The following MAPK11 variants were observed in gnomAD, a reference collection of about 807,000 sequenced individuals.
The protein encoded by MAPK11 is MAP kinase 11.
Under a neutral mutation model 52.2 loss-of-function variants are expected in MAPK11, and 44 were observed. The observed-to-expected ratio is 0.84, with a 90% CI of 0.66 to 1.08. The LOEUF is 1.08. Ranked by LOEUF, MAPK11 falls within the 50% of genes least tolerant of loss-of-function variation. The pLI is 0.00. For synonymous variants in MAPK11, 233 were observed against 206.3 expected (o/e 1.13, Z -1.11); for missense variants, 436 against 494.7 (o/e 0.88, Z 1.13).
chr22:50,270,225 CGCTGCGGCA>C lies in MAPK11; in HGVS notation c.59_67del (p.Val20_Arg23delinsGly), dbSNP rs1438177512. ...GCCCACCGGGCGCAGCCCCTGCAGC[CGCTGCGGCA>C]CCTCCCACACGGTCTTGTTCAGCTC... On this transcript the variant is annotated inframe_deletion, in exon 1 of 12. Transcript: ENST00000330651. This position sits in a 1 kb window ranked among gnomAD's most constrained non-coding sequence, Gnocchi z 6.3. 1 of 1,508,060 alleles carries C rather than the reference CGCTGCGGCA, an allele frequency of 6.6e-7. No individual in the cohort carries two copies. Among genetic ancestry groups the C allele is most frequent in the East Asian group, 2.8e-5 (1 of 36,138 alleles). The allele number at this position is 1,508,060 out of a possible 1,614,324, so 93.4% of individuals were successfully genotyped here. A position where few individuals can be genotyped will look rare whatever the true frequency, so the allele number is the denominator to read the frequency against.
At position 50,265,400 on chromosome 22, in the gene MAPK11, G is replaced by A. The variant is rs572173960; in HGVS notation, c.936C>T (p.His312=). 57 of 1,613,126 alleles carry A rather than the reference G, an allele frequency of 3.5e-5. No individual in the cohort carries two copies. In the East Asian group the frequency reaches 4.5e-4, roughly 13 times the overall value. Residue 312 remains histidine, a synonymous_variant, in exon 11 of 12, where the codon CAC becomes CAT. Coordinates refer to ENST00000330651, the MANE Select transcript of MAPK11 (RefSeq NM_002751.7). ...ALAHAYFSQY[H]DPEDEPEAEP... is the part of the protein sequence containing the mutation. ...CGGCCTCTGGCTCATCCTCGGGGTCGTGGTACTGGCTGAAGTAGGCGTGGG... is the reference window on the plus strand; with the variant it reads ...CGGCCTCTGGCTCATCCTCGGGGTCATGGTACTGGCTGAAGTAGGCGTGGG...
In MAPK11 at chr22:50,267,338, G is replaced by A. The variant is rs769724190; in HGVS notation, c.417+33C>T. 9 of 1,271,838 alleles carry A rather than the reference G, an allele frequency of 7.1e-6. No individual in the cohort carries two copies. The Admixed American group carries it at 1.3e-4, about 19-fold the overall frequency. The allele number at this position is 1,271,838 out of a possible 1,614,324, so 78.8% of individuals were successfully genotyped here. A position where few individuals can be genotyped will look rare whatever the true frequency, so the allele number is the denominator to read the frequency against. The stretch of plus-strand genomic sequence containing the variant: ...CCGGGCCCGGCCCGCCCGCCCCCCT[G>A]CGAGAGGACCCGCGAAGCCCAGGGC... On this transcript the variant is annotated intron_variant, in intron 4 of 11. Transcript: ENST00000330651.
rs189926738 is a variant in MAPK11 at position 50,268,450 on chromosome 22, G to A, written c.117-501C>T. 2.6e-5 allele frequency among the ~76,000 whole-genome samples: 4 copies of A among 152,328 alleles called. No homozygotes were observed. The East Asian group carries it at 7.7e-4, about 29-fold the overall frequency. ...ATGTTCAAAATACGGAGGGAAAGTTGGTCAGAGGTGTTTATTGCATCATTA... is the reference window on the plus strand; with the variant it reads ...ATGTTCAAAATACGGAGGGAAAGTTAGTCAGAGGTGTTTATTGCATCATTA... On this transcript the variant is annotated intron_variant, in intron 1 of 11. Coordinates refer to ENST00000330651, the MANE Select transcript of MAPK11 (RefSeq NM_002751.7).
intron 1 of MAPK11, among the ~76,000 whole-genome samples, chr22:50,269,562 C>G (rs2065291705): frequency 6.6e-6 from 1 of 152,230 alleles, no homozygotes; most frequent in Non-Finnish European, 1.5e-5. Flanking sequence ...CCTGGCTACC[C>G]GGGTCTAACA....
At position 50,267,598 on chromosome 22, in the gene MAPK11, C is replaced by A; in HGVS notation, c.276G>T (p.Pro92=). 6.5e-7 allele frequency: 1 copy of A among 1,544,522 alleles called. No individual in the cohort carries two copies. Among genetic ancestry groups the A allele is most frequent in the South Asian group, 1.2e-5 (1 of 84,182 alleles). The change falls in exon 3 of 12, where the codon CCG becomes CCT. Residue 92 remains proline, a synonymous_variant. Transcript: ENST00000330651. The stretch of plus-strand genomic sequence containing the variant: ...CGCTGAAGTCCTCGATGGACGTGGC[C>A]GGCGTGAAGACGTCCAGAAGCCCGA... ...NVIGLLDVFT[P]ATSIEDFSEV...
At chr22:50,267,349 C>G (rs1185291417) in intron 4 of MAPK11, 22 bp downstream of exon 4, 3 of 1,598,108 alleles carry the variant, frequency 1.9e-6, no homozygotes, top group South Asian at 2.2e-5. Flanking sequence ...CGAGAGGACC[C>G]GCGAAGCCCA....
rs749732661 is a variant in MAPK11, at chr22:50,267,856, C to T, written c.210G>A (p.Arg70=). The stretch of plus-strand genomic sequence containing the variant: ...TCAGGTGCTTGAGCAGCCGCAGCTC[C>T]CGGTACGTTCTGCGCGCGTGGATCA... ...QSLIHARRTY[R]ELRLLKHLKH... is the part of the protein sequence containing the mutation. The change falls in exon 2 of 12, where the codon CGG becomes CGA. Residue 70 remains arginine, a synonymous_variant. Transcript: ENST00000330651. The T allele has an allele frequency of 6.3e-7, 1 of 1,584,726 alleles. No homozygotes were observed. The highest frequency in any genetic ancestry group is 1.1e-5 in the South Asian group (1 of 87,118).
intron 7 of MAPK11, 96 bp from the exon 8 acceptor site, chr22:50,266,707 C>A: frequency 1.6e-6 from 2 of 1,237,238 alleles, no homozygotes; most frequent in Middle Eastern, 1.9e-4. Context: ...ATGGGCAGAC[C>A]CCCTCCTCTG....
intron 9 of MAPK11, 82 bp downstream of exon 9, chr22:50,266,144 C>T (rs1392370815): frequency 2.6e-6 from 3 of 1,174,328 alleles, no homozygotes; most frequent in African/African-American, 1.5e-5. Context: ...ATGGTCCCCG[C>T]ATTTCCACAC....
chr22:50,270,107 G>T lies in MAPK11; in HGVS notation c.116+70C>A. The T allele has an allele frequency of 1.3e-6, 1 of 759,002 alleles. No homozygotes were observed. The highest frequency in any genetic ancestry group is 1.9e-5 in the African/African-American group (1 of 53,476). The allele number at this position is 759,002 out of a possible 1,614,324, so 47.0% of individuals were successfully genotyped here. On this transcript the variant is annotated intron_variant, in intron 1 of 11. Coordinates refer to ENST00000330651, the MANE Select transcript of MAPK11 (RefSeq NM_002751.7). The surrounding 1 kb of genome is among the most constrained non-coding windows in gnomAD (Gnocchi z 6.3). Reference sequence around the variant, plus strand: ...CCTCCCCACGCCGAGAACCTCGCGCGGGCGAGGAGGGGACGCGCTCTCCGG... The same window carrying T: ...CCTCCCCACGCCGAGAACCTCGCGCTGGCGAGGAGGGGACGCGCTCTCCGG...
intron 5 of MAPK11, 39 bp from the exon 6 acceptor site, chr22:50,267,213 C>G (rs762613530): frequency 1.2e-6 from 2 of 1,609,434 alleles, no homozygotes; most frequent in East Asian, 2.2e-5. Context: ...GAGGCTGGGA[C>G]GGAGCCCTGC....
At chr22:50,269,907 T>C (rs1422105731) in intron 1 of MAPK11, among the ~76,000 whole-genome samples, 2 of 151,816 alleles carry the variant, frequency 1.3e-5, no homozygotes, top group African/African-American at 4.8e-5. Context: ...ACGCCAGCTG[T>C]GACCTCCCAG....
In MAPK11 at chr22:50,267,855, C is replaced by T; in HGVS notation, c.211G>A (p.Glu71Lys). Reference sequence around the variant, plus strand: ...TTCAGGTGCTTGAGCAGCCGCAGCTCCCGGTACGTTCTGCGCGCGTGGATC... The same window carrying T: ...TTCAGGTGCTTGAGCAGCCGCAGCTTCCGGTACGTTCTGCGCGCGTGGATC... ...SLIHARRTYR[E>K]LRLLKHLKHE... Residue 71 changes from glutamate (E) to lysine (K), a missense_variant, in exon 2 of 12, where the codon GAG becomes AAG. Glu to Lys is a moderately conservative substitution (Grantham distance 56). Coordinates refer to ENST00000330651, the MANE Select transcript of MAPK11 (RefSeq NM_002751.7). 3 of 1,584,518 alleles carry T rather than the reference C, an allele frequency of 1.9e-6. No homozygotes were observed. The highest frequency in any genetic ancestry group is 2.6e-6 in the Non-Finnish European group (3 of 1,168,386).
chr22:50,265,969 G>GGT (rs34321630), intron 9 of MAPK11, among the ~76,000 whole-genome samples: 65,990 of 105,768 alleles, frequency 0.62, 20,271 homozygotes, highest in Non-Finnish European at 0.68. Context: ...TGCTTGCTGG[G>GGT]CCCCCAGCCC....
In MAPK11 at chr22:50,269,987, C is replaced by T. The variant is rs374863433; in HGVS notation, c.116+190G>A. ...GGACCCCCCTCCCTCCCGGTAACGG[C>T]GTCTGCTTGGAAAGTTTCTTTACGC... is the stretch of plus-strand genomic sequence containing the variant. On this transcript the variant is annotated intron_variant, in intron 1 of 11. Coordinates refer to ENST00000330651, the MANE Select transcript of MAPK11 (RefSeq NM_002751.7). Among the ~76,000 whole-genome samples the T allele has an allele frequency of 5.3e-5, 8 of 151,828 alleles. No individual in the cohort carries two copies. The East Asian group carries it at 1.6e-3, about 30-fold the overall frequency.
In MAPK11 at chr22:50,264,971, C is replaced by T. The variant is rs112868013; in HGVS notation, c.1072G>A (p.Gly358Ser). The change falls in exon 12 of 12, where the codon GGC becomes AGC. Residue 358 changes from glycine to serine, a missense_variant. Physicochemically the swap from Gly to Ser is moderately conservative, Grantham distance 56. Transcript: ENST00000330651. ...CCTCACTGCTCAATCTCCAGGCTGC[C>T]AGGTGGCTTCGGTGGCTCTGGGGGC... ...FKPPEPPKPP[G>S]SLEIEQ The T allele has an allele frequency of 2.5e-6, 4 of 1,612,824 alleles. No homozygotes were observed. Among genetic ancestry groups the T allele is most frequent in the Non-Finnish European group, 3.4e-6 (4 of 1,179,678 alleles).
chr22:50,267,360 G>A lies in MAPK11; in HGVS notation c.417+11C>T, dbSNP rs775145882. 1.4e-6 allele frequency: 2 copies of A among 1,415,696 alleles called. No homozygotes were observed. Among genetic ancestry groups the A allele is most frequent in the Admixed American group, 3.8e-5 (2 of 53,284 alleles). The allele number at this position is 1,415,696 out of a possible 1,614,324, so 87.7% of individuals were successfully genotyped here. On this transcript the variant is annotated intron_variant, in intron 4 of 11. Transcript: ENST00000330651. ...CCTGCGAGAGGACCCGCGAAGCCCA[G>A]GGCGCCCCACCTTCAGCCCGCGCAG...
intron 1 of MAPK11, among the ~76,000 whole-genome samples, chr22:50,268,373 A>T (rs747336263): frequency 6.6e-6 from 1 of 152,192 alleles, no homozygotes; most frequent in East Asian, 1.9e-4. Context: ...GGAGGCTCAC[A>T]GAGGGGGATT....
At chr22:50,266,831 A>G (rs747747828) in intron 7 of MAPK11, 103 bp downstream of exon 7, 3 of 1,185,286 alleles carry the variant, frequency 2.5e-6, no homozygotes, top group Non-Finnish European at 3.7e-6. Flanking sequence ...TGGGTCCCAC[A>G]TTCTTGGGGA....
Sources: gnomAD v4.1 joint callset for allele counts (sites outside exome capture counted in the v4.1 genomes callset) on GRCh38, gnomAD v4.1.1 for gene constraint, Gnocchi (gnomAD v3.1) non-coding constraint, MANE v1.5 for transcripts, NCBI Gene and HGNC (gene_info 2026-07-23, HGNC 2026-07-21) for gene names.